Variants in PKD1 observed in about 807,000 individuals in gnomAD.
The protein encoded by PKD1 is polycystin 1, transient receptor potential channel interacting, also known as polycystin-1.
In PKD1, 81 loss-of-function variants were observed where a neutral mutation model predicts 361.7. The observed-to-expected ratio is 0.22, with a 90% CI of 0.19 to 0.27. The LOEUF (loss-of-function observed/expected upper bound fraction) is 0.27, where lower values mean the gene tolerates loss of function less well. Among genes scored for constraint, PKD1 ranks in the 10% least tolerant of loss-of-function variants. The probability of loss-of-function intolerance (pLI) is 1.00; values close to 1 mark genes in which losing one functional copy is unlikely to be tolerated. For synonymous variants in PKD1, 3,615 were observed against 2,818.3 expected (o/e 1.28, Z -8.95); for missense variants, 6,399 against 6,118.3 (o/e 1.05, Z -1.53).
chr16:2,094,476 GA>G (rs2091758871), intron 34 of PKD1, among the ~76,000 whole-genome samples: 1 of 152,154 alleles, frequency 6.6e-6, no homozygotes, highest in East Asian at 1.9e-4. Flanking sequence ...CCCACAGCCT[GA>G]CCAGCTGCCC....
In PKD1 at chr16:2,091,507, G is replaced by A. The variant is rs1199972444; in HGVS notation, c.11628C>T (p.Ala3876=). The change falls in exon 42 of 46, where the codon GCC becomes GCT. Residue 3876 remains alanine, a synonymous_variant. Transcript: ENST00000262304. ...CGCTGAGGGCGGCCAGGGCGCGGCC[G>A]GCCGCCGGGAACTCGAGGCGCAGCG... The part of the protein sequence containing the change: ...AVTLRLEFPA[A]GRALAALSVR... The A allele has an allele frequency of 6.3e-6, 9 of 1,435,970 alleles. No individual in the cohort carries two copies. The highest frequency in any genetic ancestry group is 8.1e-6 in the Non-Finnish European group (9 of 1,104,466). The allele number at this position is 1,435,970 out of a possible 1,614,324, so 89.0% of individuals were successfully genotyped here. A position where few individuals can be genotyped will look rare whatever the true frequency, so the allele number is the denominator to read the frequency against.
chr16:2,090,613 G>T lies in PKD1; in HGVS notation c.12139-23C>A, dbSNP rs140765983. 7.1e-5 allele frequency: 115 copies of T among 1,608,870 alleles called. No homozygotes were observed. The highest frequency in any genetic ancestry group is 2.2e-4 in the Admixed American group (13 of 59,968). On this transcript the variant is annotated intron_variant, in intron 44 of 45. Coordinates refer to ENST00000262304, the MANE Select transcript of PKD1 (RefSeq NM_001009944.3). ...GAGCTGCGGGGAAGGCGACACCAGT[G>T]AGGGCGTACAGCTGAGCTGAGCTGA...
At chr16:2,115,117 G>C in intron 10 of PKD1, 192 bp from the exon 11 acceptor site, 1 of 978,300 alleles carries the variant, frequency 1.0e-6, no homozygotes, top group Non-Finnish European at 1.2e-6. Flanking sequence ...GAGGACACAG[G>C]CCAAGACCTG....
rs754412286 is a variant in PKD1, at chr16:2,114,377, C to T, written c.2646G>A (p.Val882=). 3 of 1,609,194 alleles carry T rather than the reference C, an allele frequency of 1.9e-6. No individual in the cohort carries two copies. The highest frequency in any genetic ancestry group is 2.5e-6 in the Non-Finnish European group (3 of 1,179,584). The stretch of plus-strand genomic sequence containing the variant: ...CGTTGGTCTCCCAGGGGCAGCCGGG[C>T]ACGAAGGTGGCCACCAGGGCAGGGC... ...NVCPALVATF[V]PGCPWETNDT... The change falls in exon 11 of 46, where the codon GTG becomes GTA. Residue 882 remains valine (V), a synonymous_variant. Transcript: ENST00000262304.
rs923977277 is a variant in PKD1 at position 2,111,863 on chromosome 16, G to C, written c.3304C>G (p.Leu1102Val). 21 of 1,610,128 alleles carry C rather than the reference G, an allele frequency of 1.3e-5. No homozygotes were observed. The East Asian group carries it at 1.6e-4, about 12-fold the overall frequency. Residue 1102 changes from leucine (L) to valine (V), a missense_variant, in exon 15 of 46, where the codon CTC becomes GTC. Physicochemically the swap from Leu to Val is conservative, Grantham distance 32 (BLOSUM62 1). Coordinates refer to ENST00000262304, the MANE Select transcript of PKD1 (RefSeq NM_001009944.3). ...GCATTAGATGCCAGCACGGTCAGGAGGTACTCACCTGTGGGGACAGGCCCG... is the reference window on the plus strand; with the variant it reads ...GCATTAGATGCCAGCACGGTCAGGACGTACTCACCTGTGGGGACAGGCCCG... ...MHTYAAPGEY[L>V]LTVLASNAFE...
chr16:2,133,623 C>T (rs1421697009), intron 1 of PKD1, among the ~76,000 whole-genome samples: 3 of 152,102 alleles, frequency 2.0e-5, no homozygotes, highest in Admixed American at 6.5e-5. Flanking sequence ...CCAGCCAGGG[C>T]CTTCACATCC....
In PKD1 at chr16:2,088,757, TGGG is replaced by T; in HGVS notation, c.*967_*969del. 8.6e-7 allele frequency: 1 copy of T among 1,158,072 alleles called. No homozygotes were observed. Among genetic ancestry groups the T allele is most frequent in the Non-Finnish European group, 1.2e-6 (1 of 834,818 alleles). The allele number at this position is 1,158,072 out of a possible 1,614,324, so 71.7% of individuals were successfully genotyped here. On this transcript the variant is annotated 3_prime_UTR_variant, in exon 46 of 46. Coordinates refer to ENST00000262304, the MANE Select transcript of PKD1 (RefSeq NM_001009944.3). ...GACTTTGTCTGCTTGGTGCGGGGGT[TGGG>T]GGGGTGTCGAGGCTCTAGAAGCGGC...
chr16:2,116,553 G>A lies in PKD1; in HGVS notation c.1698C>T (p.Leu566=). 6.4e-7 allele frequency: 1 copy of A among 1,560,548 alleles called. No individual in the cohort carries two copies. Among genetic ancestry groups the A allele is most frequent in the Non-Finnish European group, 8.7e-7 (1 of 1,155,128 alleles). The change falls in exon 8 of 46, where the codon CTC becomes CTT. Residue 566 remains leucine, a synonymous_variant. Transcript: ENST00000262304. The part of the protein sequence containing the change: ...PLTPLAQQDG[L]SAPHEPVEVM... The stretch of plus-strand genomic sequence containing the variant: ...CCTCCACGGGCTCGTGCGGGGCTGA[G>A]AGGCCGTCCTGCTGTGCCAGAGGCG...
chr16:2,092,238 A>G, intron 39 of PKD1, 50 bp from the exon 40 acceptor site: 5 of 1,528,992 alleles, frequency 3.3e-6, no homozygotes, highest in Non-Finnish European at 3.5e-6. Flanking sequence ...TCAAAACCCA[A>G]CAGGAGTGTT....
rs1469901610 is a variant in PKD1 at position 2,106,895 on chromosome 16, G to A, written c.7119C>T (p.Cys2373=). 4.5e-6 allele frequency: 7 copies of A among 1,562,450 alleles called. No individual in the cohort carries two copies. Among genetic ancestry groups the A allele is most frequent in the East Asian group, 2.2e-5 (1 of 44,810 alleles). ...VPIVSLECVS[C]KAQAVYEVSR... The stretch of plus-strand genomic sequence containing the variant: ...TCACTTCGTACACGGCCTGTGCCTT[G>A]CAGGACACACACTCCAAGGACACAA... Residue 2373 remains cysteine, a synonymous_variant, in exon 17 of 46, where the codon TGC becomes TGT. Coordinates refer to ENST00000262304, the MANE Select transcript of PKD1 (RefSeq NM_001009944.3). This position sits in a 1 kb window ranked among gnomAD's most constrained non-coding sequence, Gnocchi z 6.5.
intron 34 of PKD1, chr16:2,095,093 T>C (rs2091789674): frequency 6.6e-6 from 1 of 151,886 alleles, no homozygotes; most frequent in South Asian, 2.1e-4. Context: ...GACCCTGTCT[T>C]TACAAAAAAT....
chr16:2,118,942 A>C lies in PKD1; in HGVS notation c.360-97T>G, dbSNP rs1428429607. 1.4e-6 allele frequency: 1 copy of C among 707,456 alleles called. No homozygotes were observed. Among genetic ancestry groups the C allele is most frequent in the Non-Finnish European group, 2.4e-6 (1 of 412,930 alleles). 43.8% of individuals were successfully genotyped at this position (707,456 alleles called of 1,614,324 possible). ...CAGGCCCTGGAGCCACCCTGACAGCACCGCCTCCCCTGCCCCAACCAAGCC... is the reference window on the plus strand; with the variant it reads ...CAGGCCCTGGAGCCACCCTGACAGCCCCGCCTCCCCTGCCCCAACCAAGCC... On this transcript the variant is annotated intron_variant, in intron 3 of 45. Coordinates refer to ENST00000262304, the MANE Select transcript of PKD1 (RefSeq NM_001009944.3). This position sits in a 1 kb window ranked among gnomAD's most constrained non-coding sequence, Gnocchi z 6.0.
chr16:2,108,565 G>T lies in PKD1; in HGVS notation c.6602C>A (p.Pro2201Gln). Reference protein sequence around the residue: ...RTASCQRPGRPARVALPGVDV... With the variant: ...RTASCQRPGRQARVALPGVDV... ...CACGCCGGGCAGGGCCACACGCGCT[G>T]GGCGCCCCGGCCGCTGGCAGCTGGC... Residue 2201 changes from proline to glutamine, a missense_variant, in exon 15 of 46, where the codon CCA becomes CAA. Physicochemically the swap from Pro to Gln is moderately conservative, Grantham distance 76. Transcript: ENST00000262304. 6 of 1,576,678 alleles carry T rather than the reference G, an allele frequency of 3.8e-6. No individual in the cohort carries two copies. Among genetic ancestry groups the T allele is most frequent in the East Asian group, 2.3e-5 (1 of 43,306 alleles).
rs373894977 is a variant in PKD1 at position 2,097,445 on chromosome 16, G to C, written c.10279C>G (p.Pro3427Ala). The change falls in exon 33 of 46, where the codon CCG becomes GCG. Residue 3427 changes from proline to alanine, a missense_variant. Pro to Ala is a conservative substitution (Grantham distance 27). Coordinates refer to ENST00000262304, the MANE Select transcript of PKD1 (RefSeq NM_001009944.3). ...TLSWPDLLSD[P>A]SIVGSNLRQL... ...CGCAGATTGCTACCCACAATGGACG[G>C]GTCACTGAGCAGGTCCGGCCAACTG... 3 of 1,606,530 alleles carry C rather than the reference G, an allele frequency of 1.9e-6. No individual in the cohort carries two copies. Among genetic ancestry groups the C allele is most frequent in the Non-Finnish European group, 2.5e-6 (3 of 1,179,948 alleles).
chr16:2,109,850 T>C lies in PKD1; in HGVS notation c.5317A>G (p.Thr1773Ala), dbSNP rs1567196998. The C allele has an allele frequency of 6.2e-7, 1 of 1,610,586 alleles. No homozygotes were observed. The highest frequency in any genetic ancestry group is 8.5e-7 in the Non-Finnish European group (1 of 1,179,812). Residue 1773 changes from threonine (T) to alanine (A), a missense_variant, in exon 15 of 46, where the codon ACA becomes GCA. Transcript: ENST00000262304. ...ATGGTGACCAAGTGCAGGCCGGGTG[T>C]GGGGAAGCTATGGGTGGTAAATGGC... ...SEPFTTHSFP[T>A]PGLHLVTMTA... is the part of the protein sequence containing the mutation.
rs757527492 is a variant in PKD1 at position 2,118,102 on chromosome 16, G to A, written c.890C>T (p.Pro297Leu). ...GQLAAFHIAA[P>L]LPVTATRWDF... ...CCAGCGTGTGGCAGTGACAGGGAGC[G>A]GGGCAGCGATGTGGAAGGCTGCTAG... The change falls in exon 5 of 46, where the codon CCG becomes CTG. Residue 297 changes from proline (P) to leucine (L), a missense_variant. By Grantham distance (98) the Pro-to-Leu change is moderately conservative (BLOSUM62 -3). Transcript: ENST00000262304. This position sits in a 1 kb window ranked among gnomAD's most constrained non-coding sequence, Gnocchi z 6.0. 31 of 1,605,952 alleles carry A rather than the reference G, an allele frequency of 1.9e-5. No homozygotes were observed. Among genetic ancestry groups the A allele is most frequent in the Non-Finnish European group, 2.2e-5 (26 of 1,178,384 alleles).
rs771225128 is a variant in PKD1 at position 2,111,709 on chromosome 16, G to A, written c.3458C>T (p.Ser1153Leu). 61 of 1,587,852 alleles carry A rather than the reference G, an allele frequency of 3.8e-5. No homozygotes were observed. The highest frequency in any genetic ancestry group is 3.7e-4 in the South Asian group (33 of 88,270). Residue 1153 changes from serine (S) to leucine (L), a missense_variant, in exon 15 of 46, where the codon TCG (serine) becomes TTG (leucine). Coordinates refer to ENST00000262304, the MANE Select transcript of PKD1 (RefSeq NM_001009944.3). ...PVTFYPHPLPSPGGVLYTWDF... is the reference protein window; with the variant it reads ...PVTFYPHPLPLPGGVLYTWDF... ...CCACGTGTAAAGAACACCCCCAGGC[G>A]AGGGCAGCGGGTGCGGGTAGAAGGT... is the stretch of plus-strand genomic sequence containing the variant.
At position 2,105,661 on chromosome 16, in the gene PKD1, G is replaced by T. The variant is rs2092312192; in HGVS notation, c.7864-187C>A. 11 of 1,441,484 alleles carry T rather than the reference G, an allele frequency of 7.6e-6. No individual in the cohort carries two copies. In the Admixed American group the frequency reaches 2.0e-4, roughly 26 times the overall value. The allele number at this position is 1,441,484 out of a possible 1,614,324, so 89.3% of individuals were successfully genotyped here. A position where few individuals can be genotyped will look rare whatever the true frequency, so the allele number is the denominator to read the frequency against. The stretch of plus-strand genomic sequence containing the variant: ...AAGCACATGGGCCCTCCTGGGCGGG[G>T]GCTGCATTGTGGAAAGCAGACGCCG... On this transcript the variant is annotated intron_variant, in intron 20 of 45. Transcript: ENST00000262304.
chr16:2,129,160 C>G (rs1015805934), intron 1 of PKD1, among the ~76,000 whole-genome samples: 3 of 149,666 alleles, frequency 2.0e-5, no homozygotes, highest in East Asian at 2.0e-4. Flanking sequence ...CGCGCCCACC[C>G]TGTTTTTTTT....
Sources: gnomAD v4.1 joint callset for allele counts (sites outside exome capture counted in the v4.1 genomes callset) on GRCh38, gnomAD v4.1.1 for gene constraint, Gnocchi (gnomAD v3.1) non-coding constraint, MANE v1.5 for transcripts, NCBI Gene and HGNC (gene_info 2026-07-23, HGNC 2026-07-21) for gene names.